Variants in C1D observed in about 807,000 individuals in gnomAD.
C1D encodes the protein nuclear nucleic acid-binding protein C1D.
Under a neutral mutation model 17.5 loss-of-function variants are expected in C1D, and 10 were observed. The observed-to-expected ratio is 0.57, with a 90% CI of 0.35 to 0.97. C1D has a LOEUF of 0.97. C1D is among the 50% of genes least tolerant of loss of function. C1D has a pLI of 0.01. For synonymous variants in C1D, 49 were observed against 54.0 expected, an observed-to-expected ratio of 0.91 and a Z score of 0.40; for missense variants, 136 against 160.1, an observed-to-expected ratio of 0.85 and a Z score of 0.81.
intron 2 of C1D, among the ~76,000 whole-genome samples, chr2:68,046,781 G>A (rs1255724668): frequency 1.3e-5 from 2 of 152,104 alleles, no homozygotes; most frequent in African/African-American, 2.4e-5. Context: ...ATAAGAAGCA[G>A]GCTTAGGCAA....
At chr2:68,043,145 A>G in intron 4 of C1D, 92 bp from the exon 5 acceptor site, 2 of 921,962 alleles carry the variant, frequency 2.2e-6, no homozygotes, top group Non-Finnish European at 3.3e-6. Context: ...AATTCAACAT[A>G]TATGTATTTA....
chr2:68,046,450 G>C, intron 2 of C1D, 40 bp from the exon 3 acceptor site: 6 of 1,371,074 alleles, frequency 4.4e-6, no homozygotes, highest in Non-Finnish European at 6.2e-6. Context: ...GAGAAAGTGA[G>C]ACAGAAAAAA....
intron 2 of C1D, 55 bp from the exon 3 acceptor site, chr2:68,046,465 C>T: frequency 7.8e-7 from 1 of 1,284,052 alleles, no homozygotes; most frequent in South Asian, 1.2e-5. Flanking sequence ...AAAAAAAATA[C>T]ACAAACTTTG....
At chr2:68,058,244 C>T (rs1427759608) in intron 1 of C1D, among the ~76,000 whole-genome samples, 1 of 152,192 alleles carries the variant, frequency 6.6e-6, no homozygotes, top group Non-Finnish European at 1.5e-5. Context: ...AGCCCTGATA[C>T]TTGGAAGATA....
At chr2:68,050,763 C>A (rs1261668760) in intron 1 of C1D, among the ~76,000 whole-genome samples, 4 of 152,190 alleles carry the variant, frequency 2.6e-5, no homozygotes, top group Non-Finnish European at 5.9e-5. Flanking sequence ...TTCTCCAAAC[C>A]TGACCTCTCC....
chr2:68,053,426 C>A, intron 1 of C1D: 1 of 453,880 alleles, frequency 2.2e-6, no homozygotes, highest in Non-Finnish European at 3.9e-6. Flanking sequence ...CTGGGAGGCA[C>A]CCCAAATCCA....
intron 1 of C1D, among the ~76,000 whole-genome samples, chr2:68,050,642 T>C (rs915195250): frequency 1.3e-5 from 2 of 152,170 alleles, no homozygotes; most frequent in Admixed American, 1.3e-4. Context: ...CTCAGCCCCT[T>C]AACCAAGTTT....
At chr2:68,058,567 G>A (rs1671505960) in intron 1 of C1D, among the ~76,000 whole-genome samples, 2 of 152,156 alleles carry the variant, frequency 1.3e-5, no homozygotes, top group Admixed American at 6.5e-5. Flanking sequence ...CACAGGGCTG[G>A]TAAGTGGTAA....
At chr2:68,050,942 A>G (rs1183338104) in intron 1 of C1D, among the ~76,000 whole-genome samples, 1 of 152,132 alleles carries the variant, frequency 6.6e-6, no homozygotes, top group African/African-American at 2.4e-5. Flanking sequence ...CAGTCCCAAA[A>G]TTTCAGAGTG....
At chr2:68,057,717 C>T (rs1558585728) in intron 1 of C1D, among the ~76,000 whole-genome samples, 1 of 152,140 alleles carries the variant, frequency 6.6e-6, no homozygotes, top group Non-Finnish European at 1.5e-5. Context: ...TTGAAATTTA[C>T]TTTATTCTCA....
rs367798164 is a variant in C1D at position 68,042,849 on chromosome 2, A to T, written c.*40T>A. The T allele has an allele frequency of 3.7e-6, 1 of 273,930 alleles. No homozygotes were observed. The highest frequency in any genetic ancestry group is 6.5e-6 in the Non-Finnish European group (1 of 154,742). 17.0% of individuals were successfully genotyped at this position (273,930 alleles called of 1,614,324 possible). A position where few individuals can be genotyped will look rare whatever the true frequency, so the allele number is the denominator to read the frequency against. On this transcript the variant is annotated 3_prime_UTR_variant, in exon 5 of 5. Transcript: ENST00000410067. ...TTTGCGGGGGGGGGGGGGGGGGGGA[A>T]GATGTACTTTTTGAATATGTGTACA...
chr2:68,046,937 C>G (rs1049307523), intron 2 of C1D, among the ~76,000 whole-genome samples: 1 of 143,476 alleles, frequency 7.0e-6, no homozygotes, highest in Non-Finnish European at 1.5e-5. Flanking sequence ...AAAAGAATAC[C>G]GTGAGTGCTC....
At chr2:68,044,632 C>A (rs1043888875) in intron 4 of C1D, among the ~76,000 whole-genome samples, 3 of 151,808 alleles carry the variant, frequency 2.0e-5, no homozygotes, top group Non-Finnish European at 4.4e-5. Flanking sequence ...GGTGTGAACC[C>A]GGGAGGTGGA....
intron 4 of C1D, among the ~76,000 whole-genome samples, chr2:68,045,653 C>G (rs548943532): frequency 4.8e-3 from 730 of 151,632 alleles, no homozygotes; most frequent in Non-Finnish European, 7.6e-3. Flanking sequence ...AGTAAATCAA[C>G]TAGAATATAC....
chr2:68,044,431 A>G (rs1671058792), intron 4 of C1D, among the ~76,000 whole-genome samples: 1 of 152,248 alleles, frequency 6.6e-6, no homozygotes, highest in South Asian at 2.1e-4. Flanking sequence ...ACGCAAGGTC[A>G]GAAAAGGGGA....
intron 1 of C1D, among the ~76,000 whole-genome samples, chr2:68,049,022 C>A (rs1325042768): frequency 6.6e-6 from 1 of 151,976 alleles, no homozygotes; most frequent in African/African-American, 2.4e-5. Flanking sequence ...CATAGTGAAA[C>A]CCCATCTCTA....
Position 68,042,819 on chromosome 2 carries a change from A to C in C1D, c.*70T>G. 2.0e-6 allele frequency: 1 copy of C among 499,446 alleles called. No homozygotes were observed. 30.9% of individuals were successfully genotyped at this position (499,446 alleles called of 1,614,324 possible). A position where few individuals can be genotyped will look rare whatever the true frequency, so the allele number is the denominator to read the frequency against. ...CATTTAAACCTTGCCCTGCCACAGA[A>C]TTATTTTGCGGGGGGGGGGGGGGGG... On this transcript the variant is annotated 3_prime_UTR_variant, in exon 5 of 5. Transcript: ENST00000410067.
rs1331883721 is a variant in C1D, at chr2:68,055,408, T to C, written c.-10+7550A>G. On this transcript the variant is annotated intron_variant, in intron 1 of 4. Coordinates refer to ENST00000410067, the MANE Select transcript of C1D (RefSeq NM_173177.3). ...AACACCACAAGAAAGCAAACAAATA[T>C]GGAGTGAGAAATACAGTACTCTACA... Among the ~76,000 whole-genome samples the C allele has an allele frequency of 4.0e-5, 6 of 151,128 alleles. No individual in the cohort carries two copies. The East Asian group carries it at 9.7e-4, about 24-fold the overall frequency.
rs1167002568 is a variant in C1D, at chr2:68,047,188, A to G, written c.123T>C (p.Asn41=). Residue 41 remains asparagine, a synonymous_variant, in exon 2 of 5, where the codon AAT becomes AAC. Transcript: ENST00000410067. ...MLKTMMSVSR[N]ELLQKLDPLE... ...TTTAAAATACCTTCTGCAACAACTCATTTCTAGAAACAGACATCATGGTCT... is the reference window on the plus strand; with the variant it reads ...TTTAAAATACCTTCTGCAACAACTCGTTTCTAGAAACAGACATCATGGTCT... The G allele has an allele frequency of 2.5e-5, 40 of 1,604,476 alleles. No homozygotes were observed. The highest frequency in any genetic ancestry group is 3.3e-5 in the Non-Finnish European group (39 of 1,177,692).
Sources: gnomAD v4.1 joint callset for allele counts (sites outside exome capture counted in the v4.1 genomes callset) on GRCh38, gnomAD v4.1.1 for gene constraint, MANE v1.5 for transcripts, NCBI Gene and HGNC (gene_info 2026-07-23, HGNC 2026-07-21) for gene names.